Variants in TXNRD2 observed in about 807,000 individuals in gnomAD.
TXNRD2 encodes thioredoxin reductase 2, mitochondrial.
Under a neutral mutation model 70.8 loss-of-function variants are expected in TXNRD2, and 67 were observed. The ratio of observed to expected loss-of-function variants is 0.95; its 90% confidence interval spans 0.78 to 1.16. The LOEUF is 1.16. Ranked by LOEUF, TXNRD2 falls within the 50% of genes most tolerant of loss-of-function variation. The pLI, the probability that TXNRD2 is intolerant of heterozygous loss-of-function variation, is 0.00. For missense variants in TXNRD2, 644 were observed against 719.9 expected, an observed-to-expected ratio of 0.89 and a Z score of 1.21; for synonymous variants, 301 against 295.8, an observed-to-expected ratio of 1.02 and a Z score of -0.18.
chr22:19,915,170 A>C, intron 7 of TXNRD2, 44 bp downstream of exon 7: 1 of 1,598,056 alleles, frequency 6.3e-7, no homozygotes, highest in South Asian at 1.1e-5. Flanking sequence ...AGAGGCCGGG[A>C]ATGGGCCACG....
chr22:19,879,869 G>A (rs574099852), intron 14 of TXNRD2, among the ~76,000 whole-genome samples: 16 of 152,146 alleles, frequency 1.1e-4, no homozygotes, highest in East Asian at 1.9e-4. Flanking sequence ...GGTGGGGCTG[G>A]GGGCTTCTGG....
intron 2 of TXNRD2, among the ~76,000 whole-genome samples, chr22:19,929,326 CAAAAAAA>C (rs34528546): frequency 7.1e-5 from 6 of 84,422 alleles, no homozygotes; most frequent in African/African-American, 9.8e-5. Context: ...GACTCCATCT[CAAAAAAA>C]AAAAAAAAAA....
intron 8 of TXNRD2, among the ~76,000 whole-genome samples, chr22:19,908,849 T>C (rs756356324): frequency 2.0e-5 from 3 of 152,226 alleles, no homozygotes; most frequent in Non-Finnish European, 2.9e-5. Context: ...CAGACATGGA[T>C]AGTGGTGATG....
intron 11 of TXNRD2, among the ~76,000 whole-genome samples, chr22:19,885,461 C>G (rs1938984158): frequency 7.0e-6 from 1 of 142,566 alleles, no homozygotes; most frequent in African/African-American, 2.5e-5. Flanking sequence ...TTGCGGGAGG[C>G]CGGCTCCAGC....
intron 1 of TXNRD2, among the ~76,000 whole-genome samples, chr22:19,931,460 G>A (rs1569113039): frequency 6.6e-6 from 1 of 152,058 alleles, no homozygotes; most frequent in Non-Finnish European, 1.5e-5. Context: ...GAAGATTGTA[G>A]TCCACTGCCC....
rs900092052 is a variant in TXNRD2, at chr22:19,899,741, C to T, written c.663-673G>A. On this transcript the variant is annotated intron_variant, in intron 8 of 17. Transcript: ENST00000400521. Reference sequence around the variant, plus strand: ...ACGCACACTTGTATGTGCACACATGCCACACACCTGCATGCACATACTCTT... The same window carrying T: ...ACGCACACTTGTATGTGCACACATGTCACACACCTGCATGCACATACTCTT... Among the ~76,000 whole-genome samples the T allele has an allele frequency of 1.3e-5, 2 of 152,260 alleles. 1 individual carries two copies. The highest frequency in any genetic ancestry group is 2.9e-5 in the Non-Finnish European group (2 of 68,048).
intron 2 of TXNRD2, 139 bp from the exon 3 acceptor site, chr22:19,919,738 G>GCGCAAT (rs1778206730): frequency 1.2e-6 from 1 of 825,430 alleles, no homozygotes; most frequent in African/African-American, 1.7e-5. Context: ...TGGCTGAGCT[G>GCGCAAT]CGCAATGCTA....
Position 19,909,586 on chromosome 22 carries a change from C to CACCACACACA in TXNRD2, c.662+1781_662+1790dup, listed in dbSNP as rs1940238054. 2.0e-5 allele frequency among the ~76,000 whole-genome samples: 3 copies of CACCACACACA among 146,620 alleles called. 1 individual carries two copies. The highest frequency in any genetic ancestry group is 7.6e-5 in the African/African-American group (3 of 39,450). ...CTCACATACACACACCACACACACA[C>CACCACACACA]ACCACACACACCACTCACACACACA... On this transcript the variant is annotated intron_variant, in intron 8 of 17. Coordinates refer to ENST00000400521, the MANE Select transcript of TXNRD2 (RefSeq NM_006440.5).
At chr22:19,927,967 T>C (rs760725517) in intron 2 of TXNRD2, among the ~76,000 whole-genome samples, 17 of 151,996 alleles carry the variant, frequency 1.1e-4, no homozygotes, top group Non-Finnish European at 2.2e-4. Flanking sequence ...GTGAAAGACG[T>C]AGACATTGAA....
intron 7 of TXNRD2, among the ~76,000 whole-genome samples, chr22:19,914,538 A>G (rs1244408863): frequency 6.6e-6 from 1 of 152,244 alleles, no homozygotes. Flanking sequence ...CACACGTACC[A>G]GTTACATGAG....
At chr22:19,933,822 G>T (rs1941450406) in intron 1 of TXNRD2, among the ~76,000 whole-genome samples, 1 of 152,144 alleles carries the variant, frequency 6.6e-6, no homozygotes, top group Admixed American at 6.5e-5. Flanking sequence ...GTGTCCTGGA[G>T]AACCTCATAA....
intron 14 of TXNRD2, among the ~76,000 whole-genome samples, chr22:19,878,855 C>T (rs1386844212): frequency 6.6e-6 from 1 of 152,198 alleles, no homozygotes; most frequent in Non-Finnish European, 1.5e-5. Flanking sequence ...TTTGCTTGGC[C>T]CTCACTGGAG....
At chr22:19,901,640 T>TA (rs1286266299) in intron 8 of TXNRD2, among the ~76,000 whole-genome samples, 3 of 151,892 alleles carry the variant, frequency 2.0e-5, no homozygotes, top group Non-Finnish European at 4.4e-5. Flanking sequence ...CCAGCTAAAG[T>TA]AAAAAAATGC....
chr22:19,880,661 C>T lies in TXNRD2; in HGVS notation c.1143G>A (p.Arg381=). The change falls in exon 13 of 18, where the codon CGG becomes CGA. Residue 381 remains arginine (R), a synonymous_variant. Transcript: ENST00000400521. ...AIMAGRLLVQ[R]LFGGSSDLMD... ...TCAGATCTGAGGACCCGCCGAAGAG[C>T]CGCTGCACCAGGAGCCTCCCGGCCA... 20 of 1,613,430 alleles carry T rather than the reference C, an allele frequency of 1.2e-5. No homozygotes were observed. The highest frequency in any genetic ancestry group is 1.7e-5 in the Non-Finnish European group (20 of 1,180,006).
At chr22:19,941,070 T>C (rs373157485) in intron 1 of TXNRD2, among the ~76,000 whole-genome samples, 119 of 152,192 alleles carry the variant, frequency 7.8e-4, no homozygotes, top group African/African-American at 2.7e-3. Context: ...AGGGGCCCCC[T>C]GCATGGTGGG....
At chr22:19,930,936 G>C (rs762982533) in intron 2 of TXNRD2, 94 bp downstream of exon 2, 11 of 1,129,700 alleles carry the variant, frequency 9.7e-6, no homozygotes, top group Non-Finnish European at 1.5e-5. Context: ...GGGAGGCAAC[G>C]CATTTTGCTC....
At chr22:19,878,695 G>A (rs972673691) in intron 14 of TXNRD2, among the ~76,000 whole-genome samples, 11 of 152,208 alleles carry the variant, frequency 7.2e-5, no homozygotes, top group Admixed American at 5.2e-4. Context: ...TGGGACCCCC[G>A]TAAACCACAG....
At chr22:19,930,515 T>C (rs991662398) in intron 2 of TXNRD2, among the ~76,000 whole-genome samples, 2 of 152,004 alleles carry the variant, frequency 1.3e-5, no homozygotes, top group South Asian at 2.1e-4. Flanking sequence ...ACTCAATGGG[T>C]GCCAGGCCAA....
chr22:19,925,238 C>G (rs931215988), intron 2 of TXNRD2, among the ~76,000 whole-genome samples: 1 of 151,760 alleles, frequency 6.6e-6, no homozygotes, highest in Non-Finnish European at 1.5e-5. Context: ...GAGCTGAGAT[C>G]GCACCACTGC....
Sources: gnomAD v4.1 joint callset for allele counts (sites outside exome capture counted in the v4.1 genomes callset) on GRCh38, gnomAD v4.1.1 for gene constraint, MANE v1.5 for transcripts, NCBI Gene and HGNC (gene_info 2026-07-23, HGNC 2026-07-21) for gene names.